Variants in CSRNP3 observed in about 807,000 individuals in gnomAD.
CSRNP3 encodes cysteine/serine-rich nuclear protein 3.
Under a neutral mutation model 48.0 loss-of-function variants are expected in CSRNP3, and 12 were observed. The ratio of observed to expected loss-of-function variants is 0.25; its 90% CI spans 0.16 to 0.41. CSRNP3 has a LOEUF of 0.41. Ranked by LOEUF, CSRNP3 falls within the 10% of genes least tolerant of loss-of-function variation. The pLI is 1.00. For missense variants in CSRNP3, 580 were observed against 724.4 expected (o/e 0.80, Z 2.29); for synonymous variants, 263 against 269.7 (o/e 0.98, Z 0.24).
chr2:165,483,844 C>T (rs1684079332), intron 1 of CSRNP3, among the ~76,000 whole-genome samples: 1 of 152,152 alleles, frequency 6.6e-6, no homozygotes, highest in Non-Finnish European at 1.5e-5. Flanking sequence ...AAAGCTCCAG[C>T]CCCTAATAAC....
chr2:165,550,691 AG>A (rs1437747841), intron 3 of CSRNP3, among the ~76,000 whole-genome samples: 1 of 152,216 alleles, frequency 6.6e-6, no homozygotes. Flanking sequence ...AGAGCAATGT[AG>A]GTATATTTTC....
chr2:165,529,253 A>G (rs563735827), intron 3 of CSRNP3, among the ~76,000 whole-genome samples: 33 of 152,292 alleles, frequency 2.2e-4, no homozygotes, highest in Non-Finnish European at 4.3e-4. Flanking sequence ...CCAGGGGCGA[A>G]ATGATGTGGT....
chr2:165,590,192 C>T (rs1404327904), intron 3 of CSRNP3, among the ~76,000 whole-genome samples: 1 of 152,144 alleles, frequency 6.6e-6, no homozygotes, highest in African/African-American at 2.4e-5. Flanking sequence ...GTGGTAAAAT[C>T]AGAGTAGAAA....
intron 4 of CSRNP3, among the ~76,000 whole-genome samples, chr2:165,619,196 C>T (rs983427516): frequency 6.6e-6 from 1 of 151,960 alleles, no homozygotes; most frequent in Admixed American, 6.6e-5. Flanking sequence ...ATACTTTTAC[C>T]TATGATTGTT....
chr2:165,604,638 A>G (rs1427902969), intron 4 of CSRNP3, among the ~76,000 whole-genome samples: 3 of 152,218 alleles, frequency 2.0e-5, no homozygotes, highest in African/African-American at 7.2e-5. Context: ...TTGCTTATAT[A>G]TAGCTTTACC....
At chr2:165,673,920 C>T (rs1393524003) in intron 5 of CSRNP3, among the ~76,000 whole-genome samples, 2 of 152,052 alleles carry the variant, frequency 1.3e-5, no homozygotes, top group African/African-American at 4.8e-5. Flanking sequence ...ACTCAGGAGG[C>T]TGAGGCAGGA....
intron 4 of CSRNP3, among the ~76,000 whole-genome samples, chr2:165,637,664 A>G (rs986563778): frequency 2.0e-5 from 3 of 152,242 alleles, no homozygotes; most frequent in African/African-American, 7.2e-5. Context: ...AGAGTATAAG[A>G]TGACTCATTT....
At chr2:165,548,444 T>C (rs1020063659) in intron 3 of CSRNP3, among the ~76,000 whole-genome samples, 1 of 152,092 alleles carries the variant, frequency 6.6e-6, no homozygotes, top group Non-Finnish European at 1.5e-5. Context: ...ATCCAGTAAA[T>C]ATGATTTGAA....
intron 1 of CSRNP3, among the ~76,000 whole-genome samples, chr2:165,478,737 A>G (rs1034049254): frequency 1.3e-5 from 2 of 152,222 alleles, no homozygotes; most frequent in African/African-American, 4.8e-5. Flanking sequence ...AGCACAGTCT[A>G]CGGAGTCAGG....
intron 5 of CSRNP3, among the ~76,000 whole-genome samples, chr2:165,665,437 AG>A (rs1687162143): frequency 6.6e-6 from 1 of 152,200 alleles, no homozygotes; most frequent in African/African-American, 2.4e-5. Flanking sequence ...GGAAATTCTC[AG>A]AACTATATTC....
At chr2:165,529,671 C>T (rs2175990) in intron 3 of CSRNP3, among the ~76,000 whole-genome samples, 18,128 of 151,834 alleles carry the variant, frequency 0.12, 1,346 homozygotes, top group East Asian at 0.37. Context: ...TTCAAACCGG[C>T]GTGGATGTAT....
At chr2:165,607,371 T>G (rs899680958) in intron 4 of CSRNP3, among the ~76,000 whole-genome samples, 1 of 152,178 alleles carries the variant, frequency 6.6e-6, no homozygotes, top group African/African-American at 2.4e-5. Context: ...TTCAGAGCAT[T>G]CATCGTGTTC....
chr2:165,500,443 GTA>G (rs34901472), intron 2 of CSRNP3, among the ~76,000 whole-genome samples: 47,096 of 142,360 alleles, frequency 0.33, 7,716 homozygotes, highest in African/African-American at 0.38. Context: ...ACACACACGT[GTA>G]TATATATATA....
intron 5 of CSRNP3, among the ~76,000 whole-genome samples, chr2:165,666,213 AAGAC>A (rs200240816): frequency 8.7e-5 from 11 of 125,842 alleles, no homozygotes; most frequent in South Asian, 6.2e-4. Flanking sequence ...GGAAGAAAGA[AAGAC>A]AGAGAGGAAG....
intron 4 of CSRNP3, among the ~76,000 whole-genome samples, chr2:165,657,380 G>A (rs145899305): frequency 6.6e-6 from 1 of 152,166 alleles, no homozygotes; most frequent in East Asian, 1.9e-4. Flanking sequence ...AGTATATACA[G>A]GGCTCAATAC....
intron 1 of CSRNP3, among the ~76,000 whole-genome samples, chr2:165,484,652 C>T (rs953858826): frequency 6.6e-6 from 1 of 152,134 alleles, no homozygotes; most frequent in African/African-American, 2.4e-5. Flanking sequence ...GGGACAAACT[C>T]AATAAAGAAT....
intron 4 of CSRNP3, among the ~76,000 whole-genome samples, chr2:165,622,268 G>A (rs867824319): frequency 9.2e-5 from 14 of 151,934 alleles, no homozygotes; most frequent in South Asian, 2.1e-4. Context: ...TGTAATTTTC[G>A]TTTGGCTTTA....
intron 3 of CSRNP3, among the ~76,000 whole-genome samples, chr2:165,559,205 G>A (rs1381704543): frequency 1.3e-5 from 2 of 152,092 alleles, no homozygotes; most frequent in Non-Finnish European, 2.9e-5. Context: ...TCAAAATTTT[G>A]GTTCATTGCT....
rs560102982 is a variant in CSRNP3, at chr2:165,654,625, T to C, written c.149-3136T>C. On this transcript the variant is annotated intron_variant, in intron 4 of 6. Coordinates refer to ENST00000651982, the MANE Select transcript of CSRNP3 (RefSeq NM_001172173.2). ...TCATCATCTGTGTATTTATTTTTTATTTATTTATTCTTTTTATTTTTTGAG... is the reference window on the plus strand; with the variant it reads ...TCATCATCTGTGTATTTATTTTTTACTTATTTATTCTTTTTATTTTTTGAG... 4.6e-5 allele frequency among the ~76,000 whole-genome samples: 7 copies of C among 152,284 alleles called. No homozygotes were observed. In the South Asian group the frequency reaches 1.0e-3, roughly 23 times the overall value.
Sources: allele counts gnomAD v4.1 joint callset (sites outside exome capture counted in the v4.1 genomes callset), GRCh38; gene constraint gnomAD v4.1.1; transcripts MANE v1.5; gene names NCBI Gene and HGNC (gene_info 2026-07-23, HGNC 2026-07-21).